Variants in AR observed in about 807,000 individuals in gnomAD.
AR encodes dihydrotestosterone receptor.
In AR, 8 loss-of-function variants were observed where a neutral mutation model predicts 53.9. That is an observed-to-expected ratio of 0.15 (90% confidence interval 0.09 to 0.27). The LOEUF is 0.27. Ranked by LOEUF, AR falls within the 10% of genes least tolerant of loss-of-function variation. AR has a pLI of 1.00. For missense variants in AR, 639 were observed against 742.5 expected (o/e 0.86, Z 1.62); for synonymous variants, 359 against 316.4 (o/e 1.13, Z -1.43).
chrX:67,666,981 A>G (rs1455798575), intron 2 of AR, among the ~76,000 whole-genome samples: 1 of 110,755 alleles, frequency 9.0e-6, no homozygotes, highest in Non-Finnish European at 1.9e-5. Context: ...TCAGATGGGT[A>G]GTTTGCAAAT....
At chrX:67,693,176 G>A (rs1194101392) in intron 3 of AR, among the ~76,000 whole-genome samples, 1 of 112,471 alleles carries the variant, frequency 8.9e-6, no homozygotes, top group Non-Finnish European at 1.9e-5. Context: ...ACTTGAATGA[G>A]TACCTCCTTG....
At chrX:67,695,787 T>TC (rs201232555) in intron 3 of AR, 83 of 704,972 alleles carry the variant, frequency 1.2e-4, no homozygotes, top group East Asian at 7.1e-4. Flanking sequence ...TCTCTCTCTC[T>TC]CCCCCCCCAA....
rs1924295160 is a variant in AR, at chrX:67,619,962, C to G, written c.1617-23294C>G. ...CCTTGGGCCAGACCTCACTACACAT[C>G]TGTTTAAGAGATCAGGGTAAGCTCT... On this transcript the variant is annotated intron_variant, in intron 1 of 7. Coordinates refer to ENST00000374690, the MANE Select transcript of AR (RefSeq NM_000044.6). Among the ~76,000 whole-genome samples, 3 of 110,851 alleles carry G rather than the reference C, an allele frequency of 2.7e-5. No homozygotes were observed. The South Asian group carries it at 1.2e-3, about 44-fold the overall frequency.
intron 2 of AR, among the ~76,000 whole-genome samples, chrX:67,652,725 G>A (rs1015024597): frequency 3.6e-5 from 4 of 111,789 alleles, no homozygotes; most frequent in African/African-American, 1.3e-4. Flanking sequence ...CCTAGAAGGA[G>A]CTTAGTCCCT....
Position 67,545,319 on chromosome X carries a change from A to AGCAGCAGCAGCT in AR, c.184_185insTGCAGCAGCAGC (p.Gln61_Gln62insLeuGlnGlnGln). The AGCAGCAGCAGCT allele has an allele frequency of 2.5e-6, 1 of 400,938 alleles. No homozygotes were observed. Among genetic ancestry groups the AGCAGCAGCAGCT allele is most frequent in the Non-Finnish European group, 3.3e-6 (1 of 302,482 alleles). The allele number at this position is 400,938 out of a possible 1,213,427, so 33.0% of individuals were successfully genotyped here. ...CCCGGCGCCAGTTTGCTGCTGCTGC[A>AGCAGCAGCAGCT]GCAGCAGCAGCAGCAGCAGCAGCAG... is the stretch of plus-strand genomic sequence containing the variant. On this transcript the variant is annotated inframe_insertion, in exon 1 of 8. Transcript: ENST00000374690.
intron 7 of AR, 89 bp downstream of exon 7, chrX:67,723,073 T>C: frequency 9.4e-7 from 1 of 1,064,959 alleles, no homozygotes. Context: ...GCACCACCTG[T>C]TGGGAGGTGC....
At chrX:67,670,478 A>G (rs1052753732) in intron 2 of AR, among the ~76,000 whole-genome samples, 2 of 106,717 alleles carry the variant, frequency 1.9e-5, no homozygotes, top group African/African-American at 6.7e-5. Flanking sequence ...AAGATATTTC[A>G]TGCAAATGGA....
At chrX:67,584,752 T>C (rs554435144) in intron 1 of AR, among the ~76,000 whole-genome samples, 1 of 112,004 alleles carries the variant, frequency 8.9e-6, no homozygotes, top group African/African-American at 3.2e-5. Flanking sequence ...TTTATTTTCA[T>C]ATTGTCTTCC....
At chrX:67,662,693 A>G (rs2076945181) in intron 2 of AR, among the ~76,000 whole-genome samples, 1 of 111,327 alleles carries the variant, frequency 9.0e-6, no homozygotes, top group South Asian at 3.8e-4. Flanking sequence ...AGAGTTCTGT[A>G]GATGTCTGTT....
chrX:67,550,909 A>T (rs1040267008), intron 1 of AR, among the ~76,000 whole-genome samples: 26 of 109,085 alleles, frequency 2.4e-4, no homozygotes, highest in Middle Eastern at 4.7e-3. Flanking sequence ...TTTCTTTTTT[A>T]AAAAAAATCT....
At chrX:67,665,675 C>T (rs758259099) in intron 2 of AR, among the ~76,000 whole-genome samples, 5 of 111,455 alleles carry the variant, frequency 4.5e-5, no homozygotes, top group Non-Finnish European at 9.4e-5. Context: ...TCTCGACTAG[C>T]AAGCCCTTTT....
chrX:67,700,946 G>A (rs2147512951), intron 3 of AR, among the ~76,000 whole-genome samples: 1 of 111,836 alleles, frequency 8.9e-6, no homozygotes, highest in South Asian at 3.7e-4. Context: ...TCATTTGTGT[G>A]TAATTCATTT....
chrX:67,576,988 T>TTCTC, intron 1 of AR, among the ~76,000 whole-genome samples: 1 of 107,153 alleles, frequency 9.3e-6, no homozygotes, highest in South Asian at 4.1e-4. Flanking sequence ...GTCAATGGGT[T>TTCTC]TCTCTCTCTC....
At position 67,729,979 on chromosome X, in the gene AR, A is replaced by G. The variant is rs980747987; in HGVS notation, c.*6138A>G. 1.8e-5 allele frequency: 3 copies of G among 167,965 alleles called. No homozygotes were observed. Among genetic ancestry groups the G allele is most frequent in the Non-Finnish European group, 3.4e-5 (3 of 88,895 alleles). 13.8% of individuals were successfully genotyped at this position (167,965 alleles called of 1,213,427 possible). ...CAGCCACCATCAGAATGACCCACGC[A>G]AAAAAAAGAAAAAAAAAATTAAAAA... is the stretch of plus-strand genomic sequence containing the variant. On this transcript the variant is annotated 3_prime_UTR_variant, in exon 8 of 8. Coordinates refer to ENST00000374690, the MANE Select transcript of AR (RefSeq NM_000044.6).
At chrX:67,625,961 G>A (rs751198819) in intron 1 of AR, among the ~76,000 whole-genome samples, 1 of 111,063 alleles carries the variant, frequency 9.0e-6, no homozygotes, top group South Asian at 3.8e-4. Context: ...AAGTAGGTGT[G>A]TATATTTATG....
intron 3 of AR, 54 bp from the exon 4 acceptor site, chrX:67,711,348 T>C: frequency 1.8e-6 from 2 of 1,140,608 alleles, no homozygotes; most frequent in South Asian, 1.9e-5. Flanking sequence ...GGTAGTTGCA[T>C]TGTGTGTTTT....
At position 67,723,948 on chromosome X, in the gene AR, C is replaced by T; in HGVS notation, c.*107C>T. On this transcript the variant is annotated 3_prime_UTR_variant, in exon 8 of 8. Coordinates refer to ENST00000374690, the MANE Select transcript of AR (RefSeq NM_000044.6). ...TCTGCAGTGCCTTGGGGAATTTCCT[C>T]TATTGATGTACAGTCTGTCATGAAC... 1 of 1,011,736 alleles carries T rather than the reference C, an allele frequency of 9.9e-7. No individual in the cohort carries two copies. Among genetic ancestry groups the T allele is most frequent in the Middle Eastern group, 3.7e-4 (1 of 2,667 alleles). 83.4% of individuals were successfully genotyped at this position (1,011,736 alleles called of 1,213,427 possible). A position where few individuals can be genotyped will look rare whatever the true frequency, so the allele number is the denominator to read the frequency against.
chrX:67,722,191 C>A (rs1402883643), intron 6 of AR: 2 of 397,943 alleles, frequency 5.0e-6, no homozygotes, highest in Non-Finnish European at 8.8e-6. Context: ...CCATCAGATT[C>A]CCCACCTATC....
rs1464423841 is a variant in AR at position 67,729,522 on chromosome X, A to G, written c.*5681A>G. On this transcript the variant is annotated 3_prime_UTR_variant, in exon 8 of 8. Coordinates refer to ENST00000374690, the MANE Select transcript of AR (RefSeq NM_000044.6). ...TGATTTATCCTCATTTGATTTGGCC[A>G]GAAAGTAGGTAATATGCATTGATTG... The G allele has an allele frequency of 5.8e-6, 1 of 173,659 alleles. No individual in the cohort carries two copies. The highest frequency in any genetic ancestry group is 1.1e-5 in the Non-Finnish European group (1 of 91,136). 14.3% of individuals were successfully genotyped at this position (173,659 alleles called of 1,213,427 possible).
Sources: gnomAD v4.1 joint callset for allele counts (sites outside exome capture counted in the v4.1 genomes callset) on GRCh38, gnomAD v4.1.1 for gene constraint, MANE v1.5 for transcripts, NCBI Gene and HGNC (gene_info 2026-07-23, HGNC 2026-07-21) for gene names.